GAS7: variants seen among roughly 807,000 people sequenced by gnomAD.
GAS7 encodes growth arrest specific 7, also known as growth arrest-specific protein 7.
GAS7 carries 28 observed loss-of-function variants against 71.1 expected under a neutral mutation model. The observed-to-expected ratio is 0.39, with a 90% CI of 0.29 to 0.54. The LOEUF is 0.54. Ranked by LOEUF, GAS7 falls within the 20% of genes least tolerant of loss-of-function variation. GAS7 has a pLI of 0.62. For synonymous variants in GAS7, 258 were observed against 245.8 expected (o/e 1.05, Z -0.46); for missense variants, 436 against 627.8 (o/e 0.69, Z 3.27).
intron 1 of GAS7, chr17:10,020,126 C>T: frequency 2.2e-6 from 1 of 454,722 alleles, no homozygotes; most frequent in Non-Finnish European, 4.0e-6. Context: ...AGGACAGCTC[C>T]TCTGGGAGCA....
At chr17:10,060,297 T>C (rs1483555717) in intron 1 of GAS7, among the ~76,000 whole-genome samples, 1 of 152,248 alleles carries the variant, frequency 6.6e-6, no homozygotes, top group Non-Finnish European at 1.5e-5. Context: ...GGCAGGCTTC[T>C]GTACCTCTCT....
At chr17:10,042,483 A>AC (rs2072887140) in intron 1 of GAS7, among the ~76,000 whole-genome samples, 1 of 152,024 alleles carries the variant, frequency 6.6e-6, no homozygotes, top group Non-Finnish European at 1.5e-5. Context: ...TGATCAATCA[A>AC]CCAACTAATA....
At chr17:9,996,725 G>A (rs977991825) in intron 2 of GAS7, among the ~76,000 whole-genome samples, 3 of 151,396 alleles carry the variant, frequency 2.0e-5, no homozygotes, top group Non-Finnish European at 2.9e-5. Context: ...TGCAACCTCC[G>A]CCTCCCAGGT....
intron 1 of GAS7, among the ~76,000 whole-genome samples, chr17:10,100,413 T>C (rs2073687074): frequency 6.9e-6 from 1 of 143,972 alleles, no homozygotes; most frequent in Non-Finnish European, 1.5e-5. Flanking sequence ...CTCTGCCCTC[T>C]ATTCCTTCAG....
intron 4 of GAS7, among the ~76,000 whole-genome samples, chr17:9,960,786 G>C (rs1203613280): frequency 1.3e-5 from 2 of 152,238 alleles, no homozygotes; most frequent in Non-Finnish European, 2.9e-5. Context: ...GCTAATTAAA[G>C]TCAACTCAGG....
At chr17:10,179,587 T>C (rs369080516) in intron 1 of GAS7, among the ~76,000 whole-genome samples, 1 of 152,308 alleles carries the variant, frequency 6.6e-6, no homozygotes, top group East Asian at 1.9e-4. Flanking sequence ...ACTATGAACA[T>C]GAATTTTTGG....
rs772949194 is a variant in GAS7 at position 10,181,172 on chromosome 17, T to C, written c.183+17036A>G. 4.2e-4 allele frequency among the ~76,000 whole-genome samples: 62 copies of C among 147,274 alleles called. 1 individual carries two copies. The highest frequency in any genetic ancestry group is 7.7e-4 in the East Asian group (4 of 5,162). On this transcript the variant is annotated intron_variant, in intron 1 of 13. Transcript: ENST00000432992. ...GTCAGGAGATCGAGACCATCCTGGC[T>C]AACACAGTGAAACCCTGTCTCTACT... is the stretch of plus-strand genomic sequence containing the variant.
rs900843253 is a variant in GAS7, at chr17:10,103,333, G to A, written c.184-83436C>T. 6.6e-6 allele frequency among the ~76,000 whole-genome samples: 1 copy of A among 152,064 alleles called. No individual in the cohort carries two copies. Among genetic ancestry groups the A allele is most frequent in the African/African-American group, 2.4e-5 (1 of 41,426 alleles). ...TGTACTCCATCCAGTCTGGGTGATA[G>A]GTTAAGACCCTGTCTCAAACAAACC... On this transcript the variant is annotated intron_variant, in intron 1 of 13. Coordinates refer to ENST00000432992, the MANE Select transcript of GAS7 (RefSeq NM_201433.2). This position sits in a 1 kb window ranked among gnomAD's most constrained non-coding sequence, Gnocchi z 5.5.
intron 1 of GAS7, among the ~76,000 whole-genome samples, chr17:10,045,875 C>T (rs561188156): frequency 7.9e-5 from 12 of 152,274 alleles, no homozygotes; most frequent in African/African-American, 2.9e-4. Flanking sequence ...CTATTATTTA[C>T]TCAATATTTT....
intron 1 of GAS7, among the ~76,000 whole-genome samples, chr17:10,062,052 T>C (rs1212579965): frequency 2.0e-5 from 3 of 152,186 alleles, no homozygotes; most frequent in Admixed American, 1.3e-4. Context: ...ACAGACACAC[T>C]GACCAGGCTT....
chr17:9,974,483 A>G lies in GAS7; in HGVS notation c.386-4721T>C, dbSNP rs1296302740. 6.6e-6 allele frequency among the ~76,000 whole-genome samples: 1 copy of G among 152,116 alleles called. No individual in the cohort carries two copies. Among genetic ancestry groups the G allele is most frequent in the Admixed American group, 6.5e-5 (1 of 15,278 alleles). On this transcript the variant is annotated intron_variant, in intron 3 of 13. Coordinates refer to ENST00000432992, the MANE Select transcript of GAS7 (RefSeq NM_201433.2). This position sits in a 1 kb window ranked among gnomAD's most constrained non-coding sequence, Gnocchi z 4.0. ...ATGAAATTGGTCAAGGATCGCTCAT[A>G]AAGGGAACATAATTCAGTCTGGAGA... is the stretch of plus-strand genomic sequence containing the variant.
At chr17:10,020,649 C>T (rs2152207438) in intron 1 of GAS7, among the ~76,000 whole-genome samples, 1 of 152,134 alleles carries the variant, frequency 6.6e-6, no homozygotes, top group East Asian at 1.9e-4. Flanking sequence ...CAGTGGCTCA[C>T]GTCTGTAATC....
At chr17:10,079,372 A>G (rs2073432223) in intron 1 of GAS7, among the ~76,000 whole-genome samples, 1 of 152,236 alleles carries the variant, frequency 6.6e-6, no homozygotes, top group Non-Finnish European at 1.5e-5. Flanking sequence ...AGACTGGTTC[A>G]GATCATGAAG....
rs117369434 is a variant in GAS7 at position 10,039,756 on chromosome 17, C to T, written c.184-19859G>A. 2,509 of 456,070 alleles carry T rather than the reference C, an allele frequency of 5.5e-3. 92 individuals are homozygous for T. In the East Asian group the frequency reaches 0.1, roughly 18 times the overall value. The allele number at this position is 456,070 out of a possible 1,614,324, so 28.3% of individuals were successfully genotyped here. On this transcript the variant is annotated intron_variant, in intron 1 of 13. Coordinates refer to ENST00000432992, the MANE Select transcript of GAS7 (RefSeq NM_201433.2). ...GACTCACTCACCATGGCTCGTCTTG[C>T]GTTCAATCTTGGGGAGACCGAGGTG...
At chr17:10,113,893 T>A (rs570105400) in intron 1 of GAS7, among the ~76,000 whole-genome samples, 1 of 152,292 alleles carries the variant, frequency 6.6e-6, no homozygotes, top group South Asian at 2.1e-4. Context: ...CTTTTGGGTA[T>A]ACATACTGAC....
intron 1 of GAS7, among the ~76,000 whole-genome samples, chr17:10,050,728 G>A (rs776684711): frequency 2.6e-5 from 4 of 152,212 alleles, no homozygotes; most frequent in Non-Finnish European, 4.4e-5. Flanking sequence ...GGAAACATCT[G>A]TGTATACACG....
rs951403710 is a variant in GAS7 at position 10,129,638 on chromosome 17, A to C, written c.183+68570T>G. On this transcript the variant is annotated intron_variant, in intron 1 of 13. Coordinates refer to ENST00000432992, the MANE Select transcript of GAS7 (RefSeq NM_201433.2). ...TATGACACCAAAAGCACAAGGAATC[A>C]AAGGAAAAAATCGGTAAACTGGTCT... Among the ~76,000 whole-genome samples the C allele has an allele frequency of 3.9e-5, 6 of 152,336 alleles. No individual in the cohort carries two copies. In the East Asian group the frequency reaches 9.6e-4, roughly 24 times the overall value.
At position 10,118,406 on chromosome 17, in the gene GAS7, G is replaced by C. The variant is rs371954865; in HGVS notation, c.183+79802C>G. Among the ~76,000 whole-genome samples the C allele has an allele frequency of 3.0e-4, 46 of 152,220 alleles. No homozygotes were observed. The South Asian group carries it at 8.9e-3, about 29-fold the overall frequency. On this transcript the variant is annotated intron_variant, in intron 1 of 13. Coordinates refer to ENST00000432992, the MANE Select transcript of GAS7 (RefSeq NM_201433.2). ...CCTGGGGGCCCTCACTGCCCTGCCA[G>C]TCAATTCCAAAAAGCCCTCGTGGGC...
chr17:10,018,421 T>C lies in GAS7; in HGVS notation c.304+1356A>G, dbSNP rs193013108. ...ATCCAATGTTGTCCCAAATAATTGA[T>C]GATCTCATGATCCTACGGTCCAAAT... On this transcript the variant is annotated intron_variant, in intron 2 of 13. Transcript: ENST00000432992. 3.7e-3 allele frequency among the ~76,000 whole-genome samples: 556 copies of C among 152,326 alleles called. 2 individuals are homozygous for C. Among genetic ancestry groups the C allele is most frequent in the South Asian group, 9.9e-3 (48 of 4,832 alleles).
Sources: gnomAD v4.1 joint callset for allele counts (sites outside exome capture counted in the v4.1 genomes callset) on GRCh38, gnomAD v4.1.1 for gene constraint, Gnocchi (gnomAD v3.1) non-coding constraint, MANE v1.5 for transcripts, NCBI Gene and HGNC (gene_info 2026-07-23, HGNC 2026-07-21) for gene names.